Variants in CD109 observed in about 807,000 individuals in gnomAD.
The protein encoded by CD109 is CD109 molecule.
Under a neutral mutation model 165.8 loss-of-function variants are expected in CD109, and 149 were observed. The observed-to-expected ratio is 0.90, with a 90% confidence interval of 0.79 to 1.03. CD109 has a LOEUF of 1.03. CD109 is among the 50% of genes least tolerant of loss of function. The probability of loss-of-function intolerance (pLI) is 0.00; values close to 1 mark genes in which losing one functional copy is unlikely to be tolerated. For missense variants in CD109, 1,712 were observed against 1,677.8 expected, an observed-to-expected ratio of 1.02 and a Z score of -0.36; for synonymous variants, 585 against 592.1, an observed-to-expected ratio of 0.99 and a Z score of 0.18.
In CD109 at chr6:73,818,431, A is replaced by G; in HGVS notation, c.3955A>G (p.Asn1319Asp). The G allele has an allele frequency of 6.2e-7, 1 of 1,613,866 alleles. No individual in the cohort carries two copies. Among genetic ancestry groups the G allele is most frequent in the Non-Finnish European group, 8.5e-7 (1 of 1,179,942 alleles). The change falls in exon 31 of 33, where the codon AAC becomes GAC. Residue 1319 changes from asparagine (N) to aspartate (D), a missense_variant. Coordinates refer to ENST00000287097, the MANE Select transcript of CD109 (RefSeq NM_133493.5). Reference protein sequence around the residue: ...GRSGMALMEVNLLSGFMVPSE... With the variant: ...GRSGMALMEVDLLSGFMVPSE... ...GAGTGGCATGGCTCTTATGGAAGTTAACCTATTAAGTGGCTTTATGGTGCC... is the reference window on the plus strand; with the variant it reads ...GAGTGGCATGGCTCTTATGGAAGTTGACCTATTAAGTGGCTTTATGGTGCC...
intron 11 of CD109, 21 bp downstream of exon 11, chr6:73,766,175 T>C (rs1229911627): frequency 6.4e-7 from 1 of 1,571,598 alleles, no homozygotes. Flanking sequence ...TTTCCCATCA[T>C]TGTGTCACTG....
chr6:73,790,930 T>C (rs1465039056), intron 22 of CD109, among the ~76,000 whole-genome samples: 1 of 151,970 alleles, frequency 6.6e-6, no homozygotes, highest in Non-Finnish European at 1.5e-5. Context: ...GGTTTGTTTA[T>C]ATAGTTGTGC....
intron 2 of CD109, among the ~76,000 whole-genome samples, chr6:73,712,255 T>TG (rs1036892786): frequency 2.0e-5 from 3 of 152,168 alleles, no homozygotes; most frequent in African/African-American, 4.8e-5. Context: ...CATGAATTTG[T>TG]GGGGGGAAAA....
At chr6:73,688,220 A>C in the CD109 span, among the ~76,000 whole-genome samples, 2 of 152,180 alleles carry the variant, frequency 1.3e-5, no homozygotes, top group Non-Finnish European at 2.9e-5. Flanking sequence ...TTAGTATTTT[A>C]ATTTCTAATT....
chr6:73,820,491 C>T lies in CD109; in HGVS notation c.4090C>T (p.Pro1364Ser). ...VNETQFCVNI[P>S]AVRNFKVSNT... ...TGAAACCCAGTTTTGTGTTAATATT[C>T]CTGCTGTGAGAAACTTTAAAGTTTC... The change falls in exon 32 of 33, where the codon CCT (proline) becomes TCT (serine). Residue 1364 changes from proline (P) to serine (S), a missense_variant. By Grantham distance (74) the Pro-to-Ser change is moderately conservative (BLOSUM62 -1). Coordinates refer to ENST00000287097, the MANE Select transcript of CD109 (RefSeq NM_133493.5). 1.2e-6 allele frequency: 2 copies of T among 1,611,460 alleles called. No individual in the cohort carries two copies. Among genetic ancestry groups the T allele is most frequent in the Middle Eastern group, 1.7e-4 (1 of 6,048 alleles).
intron 4 of CD109, 49 bp from the exon 5 acceptor site, chr6:73,736,334 A>G (rs777451839): frequency 2.5e-6 from 4 of 1,601,614 alleles, no homozygotes; most frequent in Non-Finnish European, 3.4e-6. Context: ...TAGGATACAC[A>G]TGCACATGGG....
At chr6:73,806,281 A>G (rs921482400) in intron 24 of CD109, among the ~76,000 whole-genome samples, 1 of 149,918 alleles carries the variant, frequency 6.7e-6, no homozygotes, top group Non-Finnish European at 1.5e-5. Flanking sequence ...CAAACACCAC[A>G]TGTTCTCACT....
intron 31 of CD109, among the ~76,000 whole-genome samples, chr6:73,819,185 TAACA>T (rs756606492): frequency 2.0e-5 from 3 of 152,246 alleles, no homozygotes; most frequent in Non-Finnish European, 4.4e-5. Flanking sequence ...ATGAAGCTTT[TAACA>T]AACCTTAAAG....
the CD109 span, among the ~76,000 whole-genome samples, chr6:73,687,320 G>A: frequency 6.6e-6 from 1 of 152,076 alleles, no homozygotes; most frequent in African/African-American, 2.4e-5. Flanking sequence ...AACCATGCAT[G>A]ATTTTAGACA....
chr6:73,797,713 G>A (rs1775214724), intron 23 of CD109, among the ~76,000 whole-genome samples: 1 of 152,042 alleles, frequency 6.6e-6, no homozygotes, highest in Non-Finnish European at 1.5e-5. Context: ...TTCATTGTTT[G>A]TGAGCAGTAT....
intron 20 of CD109, 118 bp downstream of exon 20, chr6:73,785,595 TG>T: frequency 3.5e-6 from 2 of 565,612 alleles, no homozygotes; most frequent in Admixed American, 7.7e-5. Context: ...TATACATTTC[TG>T]GGAGGCTGAA....
rs2150251897 is a variant in CD109, at chr6:73,782,462, C to T, written c.1964-152C>T. 1.2e-5 allele frequency: 8 copies of T among 648,046 alleles called. No homozygotes were observed. The South Asian group carries it at 2.2e-4, about 18-fold the overall frequency. The allele number at this position is 648,046 out of a possible 1,614,324, so 40.1% of individuals were successfully genotyped here. A position where few individuals can be genotyped will look rare whatever the true frequency, so the allele number is the denominator to read the frequency against. On this transcript the variant is annotated intron_variant, in intron 17 of 32. Coordinates refer to ENST00000287097, the MANE Select transcript of CD109 (RefSeq NM_133493.5). ...TACCTTTTCTGAAAACCTTCTTCTA[C>T]CTTTTCACTGTAACAGAAGGAACCT...
intron 2 of CD109, among the ~76,000 whole-genome samples, chr6:73,708,008 A>T (rs1006692024): frequency 2.0e-4 from 22 of 112,018 alleles, no homozygotes; most frequent in South Asian, 2.9e-4. Context: ...ATATATATAT[A>T]TTTATTATAC....
At chr6:73,813,732 T>C (rs1775831779) in intron 29 of CD109, among the ~76,000 whole-genome samples, 1 of 152,136 alleles carries the variant, frequency 6.6e-6, no homozygotes, top group South Asian at 2.1e-4. Flanking sequence ...CTTTTGAAGT[T>C]CCCTGAGTGA....
chr6:73,714,458 A>T (rs1771649587), intron 2 of CD109, among the ~76,000 whole-genome samples: 1 of 152,138 alleles, frequency 6.6e-6, no homozygotes, highest in Non-Finnish European at 1.5e-5. Flanking sequence ...TTGCAGCCCC[A>T]CTGCTCTCTC....
At chr6:73,777,745 G>T (rs953868597) in intron 15 of CD109, among the ~76,000 whole-genome samples, 1 of 152,060 alleles carries the variant, frequency 6.6e-6, no homozygotes, top group Non-Finnish European at 1.5e-5. Context: ...TTATTTCTGG[G>T]TTCTCTATTC....
chr6:73,723,628 A>C (rs1338776162), intron 3 of CD109, among the ~76,000 whole-genome samples: 1 of 152,178 alleles, frequency 6.6e-6, no homozygotes. Context: ...ATCTTTAGCA[A>C]ACTAAAATAG....
At chr6:73,728,804 T>C (rs761194339) in intron 3 of CD109, among the ~76,000 whole-genome samples, 1 of 152,220 alleles carries the variant, frequency 6.6e-6, no homozygotes, top group Non-Finnish European at 1.5e-5. Flanking sequence ...AGTTTTAATA[T>C]GAAAATCAAC....
At chr6:73,756,997 C>G (rs1049657367) in intron 6 of CD109, among the ~76,000 whole-genome samples, 1 of 152,090 alleles carries the variant, frequency 6.6e-6, no homozygotes, top group African/African-American at 2.4e-5. Flanking sequence ...AAATACTTAA[C>G]AAATTCTCTT....
Sources: gnomAD v4.1 joint callset for allele counts (sites outside exome capture counted in the v4.1 genomes callset) on GRCh38, gnomAD v4.1.1 for gene constraint, MANE v1.5 for transcripts, NCBI Gene and HGNC (gene_info 2026-07-23, HGNC 2026-07-21) for gene names.